Variants in GRAMD1B observed in about 807,000 individuals in gnomAD.
GRAMD1B encodes GRAM domain containing 1B.
A neutral mutation model predicts 99.7 loss-of-function variants in GRAMD1B; 37 were observed. The observed-to-expected ratio is 0.37, with a 90% CI of 0.29 to 0.49. The LOEUF (loss-of-function observed/expected upper bound fraction) is 0.49. Ranked by LOEUF, GRAMD1B falls within the 20% of genes least tolerant of loss-of-function variation. GRAMD1B has a pLI of 0.98. For synonymous variants in GRAMD1B, 427 were observed against 387.6 expected (o/e 1.10, Z -1.19); for missense variants, 888 against 1,009.2 (o/e 0.88, Z 1.63).
chr11:123,625,936 A>T lies in GRAMD1B; in HGVS notation c.*3341A>T. On this transcript the variant is annotated 3_prime_UTR_variant, in exon 20 of 20. Transcript: ENST00000635736. ...TAGGAGGGCTGGGGAGGCCCAGTGG[A>T]AGAGAGAGAGAGAGAGAGAGAGAGA... 9.6e-6 allele frequency: 1 copy of T among 104,276 alleles called. No individual in the cohort carries two copies. Among genetic ancestry groups the T allele is most frequent in the Non-Finnish European group, 2.0e-5 (1 of 49,704 alleles). 6.5% of individuals were successfully genotyped at this position (104,276 alleles called of 1,614,324 possible). A position where few individuals can be genotyped will look rare whatever the true frequency, so the allele number is the denominator to read the frequency against.
intron 1 of GRAMD1B, among the ~76,000 whole-genome samples, chr11:123,439,062 G>C (rs1389309375): frequency 2.0e-5 from 3 of 152,204 alleles, no homozygotes; most frequent in African/African-American, 7.2e-5. Context: ...GCACATATCA[G>C]TGTGTGACTT....
intron 1 of GRAMD1B, among the ~76,000 whole-genome samples, chr11:123,373,041 A>G (rs1021467545): frequency 6.6e-6 from 1 of 152,180 alleles, no homozygotes; most frequent in Admixed American, 6.5e-5. Flanking sequence ...CAGGAGGCTG[A>G]GGCATGAGAA....
intron 7 of GRAMD1B, among the ~76,000 whole-genome samples, chr11:123,597,654 G>C (rs1382269448): frequency 1.3e-5 from 2 of 152,188 alleles, no homozygotes; most frequent in African/African-American, 4.8e-5. Context: ...TCTGAAGTTG[G>C]TGAGAAAGAG....
At chr11:123,426,346 T>C (rs1948649392), upstream of GRAMD1B, among the ~76,000 whole-genome samples, 2 of 152,158 alleles carry the variant, frequency 1.3e-5, no homozygotes, top group Non-Finnish European at 2.9e-5. Context: ...ACTCGGTAAA[T>C]GTTTATCATC....
At chr11:123,594,218 G>A (rs1950991157) in intron 5 of GRAMD1B, 52 bp downstream of exon 5, 2 of 1,250,804 alleles carry the variant, frequency 1.6e-6, no homozygotes, top group Admixed American at 1.7e-5. Flanking sequence ...GGAGCCCCCG[G>A]CATAGCACTC....
At chr11:123,520,222 C>T (rs751642796) in intron 2 of GRAMD1B, among the ~76,000 whole-genome samples, 9 of 152,194 alleles carry the variant, frequency 5.9e-5, no homozygotes, top group Middle Eastern at 3.4e-3. Flanking sequence ...CAGAAGAAAC[C>T]GTGGTAACAA....
chr11:123,407,471 C>A (rs1359720117), intron 1 of GRAMD1B, among the ~76,000 whole-genome samples: 1 of 152,182 alleles, frequency 6.6e-6, no homozygotes, highest in Admixed American at 6.5e-5. Context: ...TCAGGTGAAA[C>A]CTGCAGGCTC....
chr11:123,406,399 A>T (rs920762965), intron 1 of GRAMD1B, among the ~76,000 whole-genome samples: 1 of 152,044 alleles, frequency 6.6e-6, no homozygotes, highest in South Asian at 2.1e-4. Flanking sequence ...GACTACAGGC[A>T]TGTGCCACCA....
In GRAMD1B at chr11:123,548,288, CAA is replaced by C. The variant is rs112239546; in HGVS notation, c.453-29076_453-29075del. Among the ~76,000 whole-genome samples, 11 of 74,636 alleles carry C rather than the reference CAA, an allele frequency of 1.5e-4. No individual in the cohort carries two copies. The South Asian group carries it at 2.2e-3, about 15-fold the overall frequency. The allele number at this position is 74,636 out of a possible 152,430, so 49.0% of individuals were successfully genotyped here. A position where few individuals can be genotyped will look rare whatever the true frequency, so the allele number is the denominator to read the frequency against. ...TTAAATTGGAAGAGTCAGGCTGTGC[CAA>C]AATATATATATATATATATATATAT... is the stretch of plus-strand genomic sequence containing the variant. On this transcript the variant is annotated intron_variant, in intron 2 of 19. Coordinates refer to ENST00000635736, the MANE Select transcript of GRAMD1B (RefSeq NM_001387025.1).
rs374118769 is a variant in GRAMD1B, at chr11:123,614,803, C to T, written c.2286C>T (p.Ser762=). Residue 762 remains serine (S), a synonymous_variant, in exon 17 of 20, where the codon AGC becomes AGT. Coordinates refer to ENST00000635736, the MANE Select transcript of GRAMD1B (RefSeq NM_001387025.1). ...CCCCCAACGGTTTCCACCTGCAGAGCGTGTCCAAGCTGCTGCTGGTTATCA... is the reference window on the plus strand; with the variant it reads ...CCCCCAACGGTTTCCACCTGCAGAGTGTGTCCAAGCTGCTGCTGGTTATCA... ...EDTPNGFHLQ[S]VSKLLLVISC... The T allele has an allele frequency of 6.2e-5, 100 of 1,610,962 alleles. No individual in the cohort carries two copies. In the African/African-American group the frequency reaches 9.6e-4, roughly 15 times the overall value.
At chr11:123,483,546 C>T (rs1020032431) in intron 2 of GRAMD1B, among the ~76,000 whole-genome samples, 1 of 151,984 alleles carries the variant, frequency 6.6e-6, no homozygotes, top group African/African-American at 2.4e-5. Flanking sequence ...GCCACCATAC[C>T]TGGCTAATTT....
At chr11:123,399,050 A>G (rs1234893570) in intron 1 of GRAMD1B, among the ~76,000 whole-genome samples, 1 of 152,234 alleles carries the variant, frequency 6.6e-6, no homozygotes, top group East Asian at 1.9e-4. Context: ...CTTATCTTTT[A>G]TAACTGACAC....
In GRAMD1B at chr11:123,430,696, A is replaced by G; in HGVS notation, c.-97A>G. ...TGTTCCTTCGGCCCCAGGATTGGGG[A>G]GTGTGCCGCGGGGCCGAGGGTGGGG... On this transcript the variant is annotated 5_prime_UTR_variant, in exon 1 of 20. Transcript: ENST00000635736. 1 of 579,580 alleles carries G rather than the reference A, an allele frequency of 1.7e-6. No individual in the cohort carries two copies. Among genetic ancestry groups the G allele is most frequent in the Non-Finnish European group, 3.0e-6 (1 of 329,450 alleles). The allele number at this position is 579,580 out of a possible 1,614,324, so 35.9% of individuals were successfully genotyped here.
At chr11:123,413,824 G>C (rs978114441) in intron 1 of GRAMD1B, among the ~76,000 whole-genome samples, 11 of 152,028 alleles carry the variant, frequency 7.2e-5, no homozygotes, top group Non-Finnish European at 1.0e-4. Flanking sequence ...TGCATCTTCT[G>C]TAGCCCTTGC....
At chr11:123,417,176 C>A (rs1948259473) in intron 1 of GRAMD1B, among the ~76,000 whole-genome samples, 1 of 152,096 alleles carries the variant, frequency 6.6e-6, no homozygotes, top group South Asian at 2.1e-4. Flanking sequence ...AGTTCAAGAC[C>A]ATTCTGGCCA....
chr11:123,595,350 T>TGCAA (rs1005645192), intron 6 of GRAMD1B, among the ~76,000 whole-genome samples: 44 of 152,134 alleles, frequency 2.9e-4, no homozygotes, highest in African/African-American at 1.1e-3. Flanking sequence ...GGCAGAATCT[T>TGCAA]GGCTCCCTGC....
At position 123,431,152 on chromosome 11, in the gene GRAMD1B, G is replaced by A. The variant is rs972724229; in HGVS notation, c.360G>A (p.Glu120=). The A allele has an allele frequency of 2.8e-6, 2 of 702,048 alleles. No homozygotes were observed. Among genetic ancestry groups the A allele is most frequent in the African/African-American group, 1.7e-5 (1 of 57,268 alleles). The allele number at this position is 702,048 out of a possible 1,614,324, so 43.5% of individuals were successfully genotyped here. A position where few individuals can be genotyped will look rare whatever the true frequency, so the allele number is the denominator to read the frequency against. The part of the protein sequence containing the change: ...RKWLRVRERK[E]CSESSSQQSS... ...GGCTGAGGGTGAGGGAGCGGAAGGA[G>A]TGCAGTGAAAGCAGGTACGTCCCCG... is the stretch of plus-strand genomic sequence containing the variant. Residue 120 remains glutamate (E), a synonymous_variant, in exon 1 of 20, where the codon GAG becomes GAA. Transcript: ENST00000635736.
intron 1 of GRAMD1B, among the ~76,000 whole-genome samples, chr11:123,397,035 A>G (rs1488222015): frequency 1.3e-5 from 2 of 152,208 alleles, no homozygotes. Context: ...TATACATTTT[A>G]TAACACCAAA....
At chr11:123,436,703 G>A (rs950016047) in intron 1 of GRAMD1B, among the ~76,000 whole-genome samples, 2 of 152,186 alleles carry the variant, frequency 1.3e-5, no homozygotes, top group Admixed American at 1.3e-4. Flanking sequence ...TTTTCTTTCA[G>A]TGGTCTAACT....
Sources: allele counts gnomAD v4.1 joint callset (sites outside exome capture counted in the v4.1 genomes callset), GRCh38; gene constraint gnomAD v4.1.1; transcripts MANE v1.5; gene names NCBI Gene and HGNC (gene_info 2026-07-23, HGNC 2026-07-21).